PLEKHH2: variants seen among roughly 807,000 people sequenced by gnomAD.
PLEKHH2 encodes pleckstrin homology domain-containing family H member 2.
PLEKHH2 carries 129 observed loss-of-function variants against 187.9 expected under a neutral mutation model. The ratio of observed to expected loss-of-function variants is 0.69; its 90% CI spans 0.59 to 0.79. PLEKHH2 has a LOEUF of 0.79. Ranked by LOEUF, PLEKHH2 falls within the 30% of genes least tolerant of loss-of-function variation. The probability of loss-of-function intolerance (pLI) is 0.00; values close to 1 mark genes in which losing one functional copy is unlikely to be tolerated. For missense variants in PLEKHH2, 2,076 were observed against 1,751.2 expected, an observed-to-expected ratio of 1.19 and a Z score of -3.31; for synonymous variants, 686 against 605.6, an observed-to-expected ratio of 1.13 and a Z score of -1.95.
rs188033544 is a variant in PLEKHH2, at chr2:43,762,464, T to C, written c.4158+74T>C. The C allele has an allele frequency of 6.8e-5, 78 of 1,151,860 alleles. No homozygotes were observed. The African/African-American group carries it at 9.1e-4, about 14-fold the overall frequency. The allele number at this position is 1,151,860 out of a possible 1,614,324, so 71.4% of individuals were successfully genotyped here. On this transcript the variant is annotated intron_variant, in intron 28 of 29. Coordinates refer to ENST00000282406, the MANE Select transcript of PLEKHH2 (RefSeq NM_172069.4). ...TCAGTGTACCGTAAACAGAAAGTAA[T>C]GATATCTTAATCTGATTTTTCTCTT...
rs900795890 is a variant in PLEKHH2 at position 43,765,804 on chromosome 2, A to G, written c.*206A>G. The G allele has an allele frequency of 2.0e-5, 9 of 454,318 alleles. No individual in the cohort carries two copies. The highest frequency in any genetic ancestry group is 6.9e-5 in the South Asian group (1 of 14,414). 28.1% of individuals were successfully genotyped at this position (454,318 alleles called of 1,614,324 possible). A position where few individuals can be genotyped will look rare whatever the true frequency, so the allele number is the denominator to read the frequency against. On this transcript the variant is annotated 3_prime_UTR_variant, in exon 30 of 30. Transcript: ENST00000282406. ...ACATAAACACAAAATTTGCCAACACACTAATTTTCTTATAGAGTAAATGAG... is the reference window on the plus strand; with the variant it reads ...ACATAAACACAAAATTTGCCAACACGCTAATTTTCTTATAGAGTAAATGAG...
intron 24 of PLEKHH2, among the ~76,000 whole-genome samples, chr2:43,753,315 G>C (rs1249023323): frequency 6.6e-6 from 1 of 151,804 alleles, no homozygotes; most frequent in African/African-American, 2.4e-5. Context: ...CATATAGTTG[G>C]GTTTTATATT....
At chr2:43,676,512 G>C (rs968037367) in intron 2 of PLEKHH2, among the ~76,000 whole-genome samples, 3 of 151,956 alleles carry the variant, frequency 2.0e-5, no homozygotes, top group Non-Finnish European at 2.9e-5. Flanking sequence ...GGTGGGGTCC[G>C]GGCTGCTGCG....
At chr2:43,690,282 C>G (rs1668729645) in intron 3 of PLEKHH2, among the ~76,000 whole-genome samples, 1 of 152,120 alleles carries the variant, frequency 6.6e-6, no homozygotes, top group Non-Finnish European at 1.5e-5. Context: ...CACTATATTT[C>G]TTAGAATCTA....
chr2:43,724,333 G>A (rs1391941547), intron 16 of PLEKHH2, among the ~76,000 whole-genome samples: 2 of 152,204 alleles, frequency 1.3e-5, no homozygotes, highest in African/African-American at 4.8e-5. Context: ...GCATGTAAAC[G>A]TGTGAGGTAA....
At chr2:43,667,681 A>T (rs1212536790) in intron 2 of PLEKHH2, among the ~76,000 whole-genome samples, 1 of 152,262 alleles carries the variant, frequency 6.6e-6, no homozygotes, top group Non-Finnish European at 1.5e-5. Flanking sequence ...GAAAGAAGCT[A>T]GACACAGAAG....
chr2:43,748,571 C>T lies in PLEKHH2; in HGVS notation c.3653+2608C>T, dbSNP rs115839091. Among the ~76,000 whole-genome samples, 1,097 of 152,270 alleles carry T rather than the reference C, an allele frequency of 7.2e-3. 12 individuals are homozygous for T. The highest frequency in any genetic ancestry group is 0.025 in the African/African-American group (1,043 of 41,534). On this transcript the variant is annotated intron_variant, in intron 24 of 29. Coordinates refer to ENST00000282406, the MANE Select transcript of PLEKHH2 (RefSeq NM_172069.4). ...TTCAGACCCACTGAGTCAGAATTTC[C>T]GGGGGTGGAGCCCAGGAGTCCCTGT...
intron 3 of PLEKHH2, among the ~76,000 whole-genome samples, chr2:43,687,146 C>G (rs1245248138): frequency 2.0e-5 from 3 of 152,182 alleles, no homozygotes; most frequent in African/African-American, 4.8e-5. Context: ...GTCTCCGTCT[C>G]TTGCTCCCTG....
In PLEKHH2 at chr2:43,651,071, T is replaced by A. The variant is rs10210109; in HGVS notation, c.123+6275T>A. On this transcript the variant is annotated intron_variant, in intron 2 of 29. Transcript: ENST00000282406. ...TGTTCAGAATTTATAATTTGTAATA[T>A]AGATTGTGAAAATGTAGTGATTACC... Among the ~76,000 whole-genome samples, 4 of 152,128 alleles carry A rather than the reference T, an allele frequency of 2.6e-5. No individual in the cohort carries two copies. The South Asian group carries it at 8.3e-4, about 31-fold the overall frequency.
chr2:43,657,497 G>A (rs1418463129), intron 2 of PLEKHH2, among the ~76,000 whole-genome samples: 1 of 152,140 alleles, frequency 6.6e-6, no homozygotes, highest in Non-Finnish European at 1.5e-5. Flanking sequence ...AATCTCTTCA[G>A]GCCCAGTCTC....
chr2:43,701,637 A>G (rs1669371323), intron 8 of PLEKHH2, among the ~76,000 whole-genome samples: 1 of 151,934 alleles, frequency 6.6e-6, no homozygotes, highest in Non-Finnish European at 1.5e-5. Context: ...GTATCTTTCT[A>G]CAGACCTAGA....
chr2:43,684,819 CAAAAA>C (rs534046953), intron 3 of PLEKHH2, among the ~76,000 whole-genome samples: 1 of 109,818 alleles, frequency 9.1e-6, no homozygotes, highest in Admixed American at 9.7e-5. Flanking sequence ...CTCCCATTAC[CAAAAA>C]AAAAAAAAAA....
intron 3 of PLEKHH2, among the ~76,000 whole-genome samples, chr2:43,691,824 A>G: frequency 6.6e-6 from 1 of 152,150 alleles, no homozygotes; most frequent in East Asian, 1.9e-4. Flanking sequence ...TGCCAGGCCT[A>G]GAATGTAATT....
intron 19 of PLEKHH2, among the ~76,000 whole-genome samples, chr2:43,735,622 G>A (rs1399489285): frequency 6.6e-6 from 1 of 152,154 alleles, no homozygotes; most frequent in Non-Finnish European, 1.5e-5. Flanking sequence ...TAGAGGTAGT[G>A]GGTATCCCAA....
intron 2 of PLEKHH2, among the ~76,000 whole-genome samples, chr2:43,652,865 C>A (rs1032560548): frequency 6.6e-6 from 1 of 152,102 alleles, no homozygotes; most frequent in African/African-American, 2.4e-5. Flanking sequence ...TTAATATTCT[C>A]AGAGAGAAAG....
chr2:43,722,302 A>T (rs1245831132), intron 16 of PLEKHH2, among the ~76,000 whole-genome samples: 1 of 152,056 alleles, frequency 6.6e-6, no homozygotes, highest in Non-Finnish European at 1.5e-5. Context: ...ACATACGTAA[A>T]TATTAGAGAA....
chr2:43,731,330 A>G (rs1671026356), intron 18 of PLEKHH2, among the ~76,000 whole-genome samples, 160 bp from the exon 19 acceptor site: 1 of 152,230 alleles, frequency 6.6e-6, no homozygotes, highest in African/African-American at 2.4e-5. Context: ...TGACCTGGCT[A>G]CCAAAATAAA....
chr2:43,691,347 G>C (rs972726058), intron 3 of PLEKHH2, among the ~76,000 whole-genome samples: 1 of 152,226 alleles, frequency 6.6e-6, no homozygotes. Flanking sequence ...GGCTGAGCCC[G>C]GGGCTTTTTA....
intron 24 of PLEKHH2, among the ~76,000 whole-genome samples, chr2:43,748,979 A>AGG (rs1671895490): frequency 6.6e-6 from 1 of 151,444 alleles, no homozygotes; most frequent in Non-Finnish European, 1.5e-5. Context: ...CTGGTATCAA[A>AGG]CTCCTGACCT....
Sources: allele counts gnomAD v4.1 joint callset (sites outside exome capture counted in the v4.1 genomes callset), GRCh38; gene constraint gnomAD v4.1.1; transcripts MANE v1.5; gene names NCBI Gene and HGNC (gene_info 2026-07-23, HGNC 2026-07-21).